Variants in KAZN observed in about 807,000 individuals in gnomAD.
KAZN encodes kazrin, periplakin interacting protein.
A neutral mutation model predicts 87.4 loss-of-function variants in KAZN; 40 were observed. The ratio of observed to expected loss-of-function variants is 0.46; its 90% CI spans 0.36 to 0.60. KAZN has a LOEUF of 0.60. Among genes scored for constraint, KAZN ranks in the 20% least tolerant of loss-of-function variants. The pLI, the probability that KAZN is intolerant of heterozygous loss-of-function variation, is 0.00. For missense variants in KAZN, 898 were observed against 1,073.9 expected (o/e 0.84, Z 2.29); for synonymous variants, 466 against 458.3 (o/e 1.02, Z -0.22).
At chr1:13,984,256 C>T (rs558475941) in intron 1 of KAZN, among the ~76,000 whole-genome samples, 71 of 152,056 alleles carry the variant, frequency 4.7e-4, no homozygotes, top group Non-Finnish European at 5.1e-4. Flanking sequence ...GTGATCTGCC[C>T]GCCTCGGCCT....
intron 2 of KAZN, among the ~76,000 whole-genome samples, chr1:14,323,643 A>G (rs190040028): frequency 6.6e-6 from 1 of 152,162 alleles, no homozygotes; most frequent in East Asian, 1.9e-4. Flanking sequence ...TTTATTCTCA[A>G]CTTAATCTAC....
chr1:14,292,198 C>T (rs1270204644), intron 2 of KAZN, among the ~76,000 whole-genome samples: 7 of 152,214 alleles, frequency 4.6e-5, no homozygotes, highest in Non-Finnish European at 1.0e-4. Flanking sequence ...TTGCTCTGTG[C>T]TGTCATGTCA....
intron 2 of KAZN, among the ~76,000 whole-genome samples, chr1:14,298,527 A>G (rs1654296743): frequency 6.6e-6 from 1 of 152,212 alleles, no homozygotes; most frequent in Non-Finnish European, 1.5e-5. Flanking sequence ...ATGCAAGTGT[A>G]CGATTTTAAT....
At chr1:14,618,868 C>T (rs1231336212) in intron 1 of KAZN, among the ~76,000 whole-genome samples, 1 of 152,160 alleles carries the variant, frequency 6.6e-6, no homozygotes, top group Non-Finnish European at 1.5e-5. Context: ...TGAGGGGTTC[C>T]CTGACAGTTT....
chr1:14,563,833 G>A (rs538470802), intron 2 of KAZN, among the ~76,000 whole-genome samples: 4 of 144,424 alleles, frequency 2.8e-5, no homozygotes, highest in Admixed American at 7.1e-5. Context: ...CCAACATGAG[G>A]CCTTTGGTGC....
chr1:14,505,800 C>T (rs1318638621), intron 2 of KAZN, among the ~76,000 whole-genome samples: 1 of 151,928 alleles, frequency 6.6e-6, no homozygotes, highest in Non-Finnish European at 1.5e-5. Context: ...AGGGTGAAAC[C>T]CTGTCTCTAC....
intron 1 of KAZN, among the ~76,000 whole-genome samples, chr1:14,024,540 C>A (rs556031714): frequency 3.3e-5 from 5 of 152,220 alleles, no homozygotes; most frequent in African/African-American, 1.2e-4. Flanking sequence ...CTGCCCCTCT[C>A]CTTGTGAAAA....
chr1:14,753,489 G>A, intron 1 of KAZN, among the ~76,000 whole-genome samples: 1 of 152,046 alleles, frequency 6.6e-6, no homozygotes, highest in East Asian at 1.9e-4. Context: ...CACTTTGGGA[G>A]GCTGAGGCTT....
chr1:15,112,539 C>A lies in KAZN; in HGVS notation c.2161C>A (p.Arg721=). The A allele has an allele frequency of 6.4e-7, 1 of 1,561,162 alleles. No individual in the cohort carries two copies. The highest frequency in any genetic ancestry group is 8.7e-7 in the Non-Finnish European group (1 of 1,151,986). ...NSSGLKYKAG[R]LPLGKIGRGF... ...CAGCGGTCTCAAGTACAAGGCTGGCCGGGTAAGTCTCTCAATGGATTTACC... is the reference window on the plus strand; with the variant it reads ...CAGCGGTCTCAAGTACAAGGCTGGCAGGGTAAGTCTCTCAATGGATTTACC... The change falls in exon 14 of 15, where the codon CGG becomes AGG. Residue 721 remains arginine, a splice_region_variant and synonymous_variant. Coordinates refer to ENST00000376030, the MANE Select transcript of KAZN (RefSeq NM_201628.3).
At chr1:14,267,359 CAAAAAA>C (rs61641430) in intron 2 of KAZN, among the ~76,000 whole-genome samples, 1 of 64,754 alleles carries the variant, frequency 1.5e-5, no homozygotes, top group Non-Finnish European at 3.3e-5. Context: ...AGCCGATAAG[CAAAAAA>C]AAAAAAAAAA....
intron 2 of KAZN, among the ~76,000 whole-genome samples, chr1:14,315,342 T>G (rs894029082): frequency 3.3e-5 from 5 of 152,074 alleles, no homozygotes; most frequent in African/African-American, 9.7e-5. Flanking sequence ...GCAGATAGTG[T>G]TATGGAACGT....
intron 1 of KAZN, among the ~76,000 whole-genome samples, chr1:14,835,761 C>T (rs1033841808): frequency 6.6e-6 from 1 of 152,082 alleles, no homozygotes; most frequent in African/African-American, 2.4e-5. Flanking sequence ...CCACCCGTAG[C>T]CCTTGGCCTG....
intron 1 of KAZN, among the ~76,000 whole-genome samples, chr1:14,668,111 C>A (rs1180823842): frequency 6.6e-6 from 1 of 152,148 alleles, no homozygotes; most frequent in Non-Finnish European, 1.5e-5. Context: ...CTCTTCTACA[C>A]CTCTAAATAA....
intron 1 of KAZN, among the ~76,000 whole-genome samples, chr1:14,166,015 C>G (rs1048911161): frequency 1.3e-5 from 2 of 152,040 alleles, no homozygotes; most frequent in Non-Finnish European, 2.9e-5. Context: ...AGGGGCCACT[C>G]GGTATCTCAA....
chr1:15,063,770 G>T, intron 7 of KAZN, 148 bp downstream of exon 7: 1 of 683,382 alleles, frequency 1.5e-6, no homozygotes, highest in South Asian at 1.6e-5. Context: ...CGTCCATACT[G>T]CACACCCAAG....
At chr1:14,447,445 T>C (rs375584163) in intron 2 of KAZN, among the ~76,000 whole-genome samples, 11 of 152,034 alleles carry the variant, frequency 7.2e-5, no homozygotes, top group African/African-American at 2.7e-4. Flanking sequence ...TTCACCGTGT[T>C]AGCCAGGATG....
chr1:14,557,151 T>A (rs529721796), intron 2 of KAZN, among the ~76,000 whole-genome samples: 1 of 152,306 alleles, frequency 6.6e-6, no homozygotes, highest in Non-Finnish European at 1.5e-5. Flanking sequence ...AGTCAAAATT[T>A]TAGCAGACTG....
At chr1:14,216,133 C>T (rs890105921) in intron 2 of KAZN, among the ~76,000 whole-genome samples, 3 of 151,832 alleles carry the variant, frequency 2.0e-5, no homozygotes, top group Non-Finnish European at 4.4e-5. Context: ...TTTGGGGAGA[C>T]AAATCATTAA....
intron 1 of KAZN, among the ~76,000 whole-genome samples, chr1:14,672,650 C>T (rs1347057127): frequency 6.6e-6 from 1 of 152,198 alleles, no homozygotes; most frequent in Non-Finnish European, 1.5e-5. Flanking sequence ...TTATCAAAGG[C>T]TGTCAGGGGG....
Sources: gnomAD v4.1 joint callset for allele counts (sites outside exome capture counted in the v4.1 genomes callset) on GRCh38, gnomAD v4.1.1 for gene constraint, MANE v1.5 for transcripts, NCBI Gene and HGNC (gene_info 2026-07-23, HGNC 2026-07-21) for gene names.